Variants in ARHGEF12 observed in about 807,000 individuals in gnomAD.
The protein encoded by ARHGEF12 is KMT2A/ARHGEF12 fusion protein.
A neutral mutation model predicts 211.2 loss-of-function variants in ARHGEF12; 66 were observed. That is an observed-to-expected ratio of 0.31 (90% CI 0.26 to 0.38). The LOEUF is 0.38. ARHGEF12 is among the 10% of genes least tolerant of loss of function. The pLI is 1.00. For synonymous variants in ARHGEF12, 592 were observed against 638.4 expected (o/e 0.93, Z 1.09); for missense variants, 1,429 against 1,869.5 (o/e 0.76, Z 4.34).
At chr11:120,349,535 A>G (rs1942870860) in intron 1 of ARHGEF12, among the ~76,000 whole-genome samples, 1 of 152,132 alleles carries the variant, frequency 6.6e-6, no homozygotes. Flanking sequence ...TGATATAGAG[A>G]AAAGAGCCTG....
intron 1 of ARHGEF12, among the ~76,000 whole-genome samples, chr11:120,376,915 A>AT (rs1245595794): frequency 6.6e-6 from 1 of 152,142 alleles, no homozygotes; most frequent in African/African-American, 2.4e-5. Flanking sequence ...TGTCTGGCCT[A>AT]TTTCACTTAA....
At chr11:120,481,997 G>C (rs1210791633) in intron 39 of ARHGEF12, among the ~76,000 whole-genome samples, 1 of 152,116 alleles carries the variant, frequency 6.6e-6, no homozygotes, top group African/African-American at 2.4e-5. Context: ...CTGACCTCGT[G>C]ATCCGCCTGC....
chr11:120,462,729 T>C (rs1946568152), intron 27 of ARHGEF12: 1 of 152,242 alleles, frequency 6.6e-6, no homozygotes, highest in African/African-American at 2.4e-5. Context: ...GATTTTACTC[T>C]TGCTGTTTAA....
chr11:120,448,841 A>G (rs572381625), intron 20 of ARHGEF12: 26 of 373,952 alleles, frequency 7.0e-5, no homozygotes, highest in African/African-American at 4.9e-4. Context: ...ATTGTTTAGA[A>G]TAAGTTCCTG....
intron 4 of ARHGEF12, 23 bp downstream of exon 4, chr11:120,409,473 G>A (rs758950899): frequency 6.2e-7 from 1 of 1,612,018 alleles, no homozygotes; most frequent in Non-Finnish European, 8.5e-7. Context: ...AGCTAATTCA[G>A]CCTTGCCCTT....
intron 5 of ARHGEF12, among the ~76,000 whole-genome samples, chr11:120,421,109 C>T (rs1241428085): frequency 6.6e-6 from 1 of 152,030 alleles, no homozygotes; most frequent in Non-Finnish European, 1.5e-5. Context: ...ACTTTATTGT[C>T]CACACAAAAG....
At chr11:120,456,027 T>C (rs955248476) in intron 22 of ARHGEF12, among the ~76,000 whole-genome samples, 3 of 152,180 alleles carry the variant, frequency 2.0e-5, no homozygotes, top group African/African-American at 7.2e-5. Flanking sequence ...GGAAAAAATA[T>C]ATAATCCTAA....
intron 11 of ARHGEF12, among the ~76,000 whole-genome samples, chr11:120,435,304 T>C (rs1945660123): frequency 6.6e-6 from 1 of 152,110 alleles, no homozygotes; most frequent in South Asian, 2.1e-4. Flanking sequence ...TGTTCCTTTA[T>C]CTAAATTTTC....
chr11:120,389,065 T>A (rs1277199293), intron 1 of ARHGEF12, among the ~76,000 whole-genome samples: 1 of 151,942 alleles, frequency 6.6e-6, no homozygotes, highest in African/African-American at 2.4e-5. Context: ...GAGATGGAGT[T>A]TCATCATGTT....
intron 40 of ARHGEF12, 116 bp from the exon 41 acceptor site, chr11:120,484,951 A>C (rs1401952335): frequency 9.2e-7 from 1 of 1,092,458 alleles, no homozygotes; most frequent in Non-Finnish European, 1.4e-6. Context: ...TCATCTGCTT[A>C]CATACTGATT....
chr11:120,405,220 T>A (rs1177828506), intron 1 of ARHGEF12, among the ~76,000 whole-genome samples: 1 of 152,206 alleles, frequency 6.6e-6, no homozygotes, highest in Admixed American at 6.5e-5. Flanking sequence ...GTTTTACTGA[T>A]GTTCTTAATA....
At chr11:120,345,719 A>AC (rs1199588363) in intron 1 of ARHGEF12, among the ~76,000 whole-genome samples, 1 of 151,370 alleles carries the variant, frequency 6.6e-6, no homozygotes, top group African/African-American at 2.4e-5. Flanking sequence ...AAAAAAAAAA[A>AC]AACGAAATGG....
chr11:120,480,540 T>TGTGTGTG, intron 38 of ARHGEF12, 110 bp downstream of exon 38: 1 of 1,024,670 alleles, frequency 9.8e-7, no homozygotes, highest in Non-Finnish European at 1.4e-6. Context: ...TGTGTGTGTG[T>TGTGTGTG]TCACACATGT....
chr11:120,385,327 A>G (rs1943997906), intron 1 of ARHGEF12: 5 of 985,278 alleles, frequency 5.1e-6, no homozygotes, highest in Admixed American at 6.1e-5. Context: ...CAGTAAAATC[A>G]TCTGACAAAT....
chr11:120,413,440 T>A (rs1390900062), intron 4 of ARHGEF12, among the ~76,000 whole-genome samples: 1 of 152,208 alleles, frequency 6.6e-6, no homozygotes, highest in Non-Finnish European at 1.5e-5. Context: ...TTTGAATGAA[T>A]GATTGTTGAG....
intron 20 of ARHGEF12, chr11:120,448,602 C>T: frequency 2.2e-6 from 1 of 463,400 alleles, no homozygotes. Context: ...TCTGTTCATG[C>T]CTTATACTTT....
intron 1 of ARHGEF12, among the ~76,000 whole-genome samples, chr11:120,354,473 C>T (rs764676252): frequency 6.6e-6 from 1 of 152,192 alleles, no homozygotes; most frequent in Non-Finnish European, 1.5e-5. Context: ...AACATTGTTA[C>T]TTTTAATCTC....
At chr11:120,385,181 A>G (rs371340898) in intron 1 of ARHGEF12, 1 of 453,032 alleles carries the variant, frequency 2.2e-6, no homozygotes. Context: ...TTCCTGAGTG[A>G]TATTCTAGGG....
In ARHGEF12 at chr11:120,428,059, C is replaced by T. The variant is rs753665758; in HGVS notation, c.407-10C>T. 5 of 1,537,190 alleles carry T rather than the reference C, an allele frequency of 3.3e-6. No individual in the cohort carries two copies. The highest frequency in any genetic ancestry group is 4.7e-5 in the East Asian group (2 of 42,458). On this transcript the variant is annotated splice_polypyrimidine_tract_variant and intron_variant, in intron 7 of 40. Coordinates refer to ENST00000397843, the MANE Select transcript of ARHGEF12 (RefSeq NM_015313.3). ...CCTTCCCTTCCCTTTTTCCGTCTCC[C>T]CACCCCAAGCTGGTTCCTATGTAGC...
Sources: gnomAD v4.1 joint callset for allele counts (sites outside exome capture counted in the v4.1 genomes callset) on GRCh38, gnomAD v4.1.1 for gene constraint, MANE v1.5 for transcripts, NCBI Gene and HGNC (gene_info 2026-07-23, HGNC 2026-07-21) for gene names.